The following ASIC4 variants were observed in gnomAD, a reference collection of about 807,000 sequenced individuals.
ASIC4 encodes acid sensing ion channel subunit family member 4.
In ASIC4, 28 loss-of-function variants were observed where a neutral mutation model predicts 53.4. The ratio of observed to expected loss-of-function variants is 0.52; its 90% CI spans 0.39 to 0.72. The LOEUF is 0.72. ASIC4 is among the 30% of genes least tolerant of loss of function. The probability of loss-of-function intolerance (pLI) is 0.00; values close to 1 mark genes in which losing one functional copy is unlikely to be tolerated. For missense variants in ASIC4, 649 were observed against 729.7 expected (o/e 0.89, Z 1.27); for synonymous variants, 289 against 301.4 (o/e 0.96, Z 0.43).
rs1695170441 is a variant in ASIC4 at position 219,537,845 on chromosome 2, G to A, written c.1507-88G>A. 38 of 1,491,312 alleles carry A rather than the reference G, an allele frequency of 2.5e-5. No individual in the cohort carries two copies. The East Asian group carries it at 2.9e-4, about 11-fold the overall frequency. 92.4% of individuals were successfully genotyped at this position (1,491,312 alleles called of 1,614,324 possible). Reference sequence around the variant, plus strand: ...GGAGGGGGCCCTGGAGCCTCTGCCCGAGGTGACAAGGAAAGGCTGGCGGTG... The same window carrying A: ...GGAGGGGGCCCTGGAGCCTCTGCCCAAGGTGACAAGGAAAGGCTGGCGGTG... On this transcript the variant is annotated intron_variant, in intron 9 of 9. Coordinates refer to ENST00000358078, the MANE Select transcript of ASIC4 (RefSeq NM_018674.6). This position sits in a 1 kb window ranked among gnomAD's most constrained non-coding sequence, Gnocchi z 4.9.
rs1694754149 is a variant in ASIC4, at chr2:219,514,741, T to C, written c.17T>C (p.Val6Ala). ...CGGGGACAGATGCCGATCGAGATTG[T>C]GTGCAAAATCAAATTTGCTGAGGAG... is the stretch of plus-strand genomic sequence containing the variant. MPIEIVCKIKFAEEDA... is the reference protein window; with the variant it reads MPIEIACKIKFAEEDA... Residue 6 changes from valine (V) to alanine (A), a missense_variant, in exon 1 of 10, where the codon GTG becomes GCG. By Grantham distance (64) the Val-to-Ala change is moderately conservative. Transcript: ENST00000358078. 1.2e-6 allele frequency: 2 copies of C among 1,613,592 alleles called. No individual in the cohort carries two copies. The highest frequency in any genetic ancestry group is 1.7e-6 in the Non-Finnish European group (2 of 1,179,992).
upstream of ASIC4, chr2:219,514,436 T>G (rs1265675673): frequency 2.6e-6 from 4 of 1,549,430 alleles, no homozygotes; most frequent in Non-Finnish European, 3.5e-6. Context: ...ACGCAGGGGC[T>G]GACAGCTGTG....
chr2:219,535,203 T>C lies in ASIC4; in HGVS notation c.1108T>C (p.Phe370Leu), dbSNP rs1695110330. The change falls in exon 6 of 10, where the codon TTC becomes CTC. Residue 370 changes from phenylalanine to leucine, a missense_variant. Physicochemically the swap from Phe to Leu is conservative, Grantham distance 22 (BLOSUM62 0). Coordinates refer to ENST00000358078, the MANE Select transcript of ASIC4 (RefSeq NM_018674.6). Reference sequence around the variant, plus strand: ...GGGTGGGGGCCCTGAGGGCCCGTGCTTCTGCCCCACCCCCTGCAACCTGAC... The same window carrying C: ...GGGTGGGGGCCCTGAGGGCCCGTGCCTCTGCCCCACCCCCTGCAACCTGAC... Reference protein sequence around the residue: ...SLGGGPEGPCFCPTPCNLTRY... With the variant: ...SLGGGPEGPCLCPTPCNLTRY... The C allele has an allele frequency of 6.2e-7, 1 of 1,613,948 alleles. No homozygotes were observed. The highest frequency in any genetic ancestry group is 1.3e-5 in the African/African-American group (1 of 75,046).
intron 6 of ASIC4, among the ~76,000 whole-genome samples, chr2:219,535,771 T>C (rs1695127519): frequency 7.1e-6 from 1 of 140,214 alleles, no homozygotes; most frequent in African/African-American, 2.6e-5. Context: ...TTCTTCTCCT[T>C]CTTTTTTTTT....
intron 1 of ASIC4, among the ~76,000 whole-genome samples, chr2:219,525,144 A>G (rs1384626370): frequency 1.3e-5 from 2 of 152,150 alleles, no homozygotes; most frequent in African/African-American, 4.8e-5. Context: ...TCCCCATGTT[A>G]TGAGCCTCCT....
Position 219,537,028 on chromosome 2 carries a change from AG to A in ASIC4, c.1230-37del. The A allele has an allele frequency of 3.8e-6, 6 of 1,581,952 alleles. No homozygotes were observed. Among genetic ancestry groups the A allele is most frequent in the Non-Finnish European group, 5.2e-6 (6 of 1,152,634 alleles). Reference sequence around the variant, plus strand: ...TGCCCCTGCCAGCCTTCTCAGGAAGAGAGGCCCACACGGATACCCTGCTTCC... The same window carrying A: ...TGCCCCTGCCAGCCTTCTCAGGAAGAAGGCCCACACGGATACCCTGCTTCC... On this transcript the variant is annotated intron_variant, in intron 6 of 9. Transcript: ENST00000358078. The surrounding 1 kb of genome is among the most constrained non-coding windows in gnomAD (Gnocchi z 4.9).
At chr2:219,507,868 C>T in the ASIC4 span, among the ~76,000 whole-genome samples, 2 of 152,108 alleles carry the variant, frequency 1.3e-5, no homozygotes, top group East Asian at 1.9e-4. Context: ...GTTATCAGCA[C>T]CAGGCTCTGG....
Position 219,535,233 on chromosome 2 carries a change from T to A in ASIC4, c.1138T>A (p.Tyr380Asn), listed in dbSNP as rs755100712. The A allele has an allele frequency of 6.2e-7, 1 of 1,614,028 alleles. No homozygotes were observed. The highest frequency in any genetic ancestry group is 8.5e-7 in the Non-Finnish European group (1 of 1,179,970). Residue 380 changes from tyrosine to asparagine, a missense_variant, in exon 6 of 10, where the codon TAT becomes AAT. Physicochemically the swap from Tyr to Asn is moderately radical, Grantham distance 143 (BLOSUM62 -2). Coordinates refer to ENST00000358078, the MANE Select transcript of ASIC4 (RefSeq NM_018674.6). Reference protein sequence around the residue: ...FCPTPCNLTRYGKEISMVRIP... With the variant: ...FCPTPCNLTRNGKEISMVRIP... Reference sequence around the variant, plus strand: ...CCCCACCCCCTGCAACCTGACACGCTATGGGAAAGAGATCTCCATGGTCAG... The same window carrying A: ...CCCCACCCCCTGCAACCTGACACGCAATGGGAAAGAGATCTCCATGGTCAG...
Position 219,518,261 on chromosome 2 carries a change from G to C in ASIC4, c.582+2955G>C, listed in dbSNP as rs938656218. Among the ~76,000 whole-genome samples, 4 of 152,198 alleles carry C rather than the reference G, an allele frequency of 2.6e-5. No homozygotes were observed. The highest frequency in any genetic ancestry group is 9.7e-5 in the African/African-American group (4 of 41,442). ...CTCAGAAGTTTAAGCAACCATGCAAGAGTTAATCAGCCATGCAAGTGGTGT... is the reference window on the plus strand; with the variant it reads ...CTCAGAAGTTTAAGCAACCATGCAACAGTTAATCAGCCATGCAAGTGGTGT... On this transcript the variant is annotated intron_variant, in intron 1 of 9. Transcript: ENST00000358078. This position sits in a 1 kb window ranked among gnomAD's most constrained non-coding sequence, Gnocchi z 4.8.
At chr2:219,528,921 C>T (rs960650549) in intron 1 of ASIC4, among the ~76,000 whole-genome samples, 1 of 152,190 alleles carries the variant, frequency 6.6e-6, no homozygotes, top group African/African-American at 2.4e-5. Context: ...GGTCTAGAGT[C>T]GGGCTGTCTT....
At chr2:219,520,085 G>GC (rs1574488605) in intron 1 of ASIC4, among the ~76,000 whole-genome samples, 2 of 152,092 alleles carry the variant, frequency 1.3e-5, no homozygotes, top group African/African-American at 4.8e-5. Context: ...GGTCCAGGCA[G>GC]CCCCGGGGGG....
upstream of ASIC4, chr2:219,514,396 C>A (rs1559452225): frequency 5.2e-6 from 8 of 1,548,428 alleles, no homozygotes; most frequent in East Asian, 2.4e-5. Flanking sequence ...GCGCTCGCTC[C>A]CTCGCTCACT....
upstream of ASIC4, among the ~76,000 whole-genome samples, chr2:219,512,130 A>G (rs1296363731): frequency 6.6e-6 from 1 of 152,100 alleles, no homozygotes; most frequent in Non-Finnish European, 1.5e-5. Flanking sequence ...GTGTGCATGC[A>G]GCTAATTGCT....
chr2:219,537,006 C>G lies in ASIC4; in HGVS notation c.1230-60C>G. On this transcript the variant is annotated intron_variant, in intron 6 of 9. Transcript: ENST00000358078. This position sits in a 1 kb window ranked among gnomAD's most constrained non-coding sequence, Gnocchi z 4.9. Reference sequence around the variant, plus strand: ...TCAGGATCTGCTGGATCCAGGATGCCCCTGCCAGCCTTCTCAGGAAGAGAG... The same window carrying G: ...TCAGGATCTGCTGGATCCAGGATGCGCCTGCCAGCCTTCTCAGGAAGAGAG... 1 of 1,479,274 alleles carries G rather than the reference C, an allele frequency of 6.8e-7. No homozygotes were observed. The highest frequency in any genetic ancestry group is 1.2e-5 in the South Asian group (1 of 86,454). The allele number at this position is 1,479,274 out of a possible 1,614,324, so 91.6% of individuals were successfully genotyped here.
At chr2:219,535,356 G>T in intron 6 of ASIC4, 32 bp downstream of exon 6, 1 of 1,549,248 alleles carries the variant, frequency 6.5e-7, no homozygotes, top group Non-Finnish European at 8.7e-7. Flanking sequence ...GGGTGGCTGT[G>T]TGACTCTGTG....
intron 1 of ASIC4, among the ~76,000 whole-genome samples, chr2:219,525,124 T>C (rs1293461031): frequency 6.6e-6 from 1 of 152,196 alleles, no homozygotes; most frequent in Non-Finnish European, 1.5e-5. Context: ...CTACAAAATA[T>C]ATGCCCCTTT....
In ASIC4 at chr2:219,518,916, G is replaced by GC. The variant is rs1410389023; in HGVS notation, c.582+3610_582+3611insC. ...GGTTTGTGTATTCTTTTTTTTGTTT[G>GC]TTTTTTTGAGACAGAGTCTCGTTGT... On this transcript the variant is annotated intron_variant, in intron 1 of 9. Transcript: ENST00000358078. The surrounding 1 kb of genome is among the most constrained non-coding windows in gnomAD (Gnocchi z 4.8). Among the ~76,000 whole-genome samples the GC allele has an allele frequency of 1.6e-4, 24 of 152,042 alleles. No homozygotes were observed. Among genetic ancestry groups the GC allele is most frequent in the Non-Finnish European group, 2.5e-4 (17 of 68,012 alleles).
At position 219,538,257 on chromosome 2, in the gene ASIC4, G is replaced by A; in HGVS notation, c.*211G>A. 1 of 580,344 alleles carries A rather than the reference G, an allele frequency of 1.7e-6. No homozygotes were observed. Among genetic ancestry groups the A allele is most frequent in the Admixed American group, 3.1e-5 (1 of 32,118 alleles). The allele number at this position is 580,344 out of a possible 1,614,324, so 35.9% of individuals were successfully genotyped here. On this transcript the variant is annotated 3_prime_UTR_variant, in exon 10 of 10. Coordinates refer to ENST00000358078, the MANE Select transcript of ASIC4 (RefSeq NM_018674.6). ...CCTTATCCCCAGGCTGGTGCCCCGG[G>A]AGGGCTGGAGACCAGGCCATGGGCC...
At position 219,517,780 on chromosome 2, in the gene ASIC4, G is replaced by C. The variant is rs1435307769; in HGVS notation, c.582+2474G>C. 6.6e-6 allele frequency among the ~76,000 whole-genome samples: 1 copy of C among 152,212 alleles called. No homozygotes were observed. Among genetic ancestry groups the C allele is most frequent in the South Asian group, 2.1e-4 (1 of 4,814 alleles). On this transcript the variant is annotated intron_variant, in intron 1 of 9. Coordinates refer to ENST00000358078, the MANE Select transcript of ASIC4 (RefSeq NM_018674.6). This position sits in a 1 kb window ranked among gnomAD's most constrained non-coding sequence, Gnocchi z 4.2. ...TTTGGGGTCTATGGTGGGGAGATGG[G>C]TATGTGAGCTGGTTGGTGGGGAGCC...
Sources: gnomAD v4.1 joint callset for allele counts (sites outside exome capture counted in the v4.1 genomes callset) on GRCh38, gnomAD v4.1.1 for gene constraint, Gnocchi (gnomAD v3.1) non-coding constraint, MANE v1.5 for transcripts, NCBI Gene and HGNC (gene_info 2026-07-23, HGNC 2026-07-21) for gene names.